CSPP1: variants seen among roughly 807,000 people sequenced by gnomAD.
CSPP1 encodes centrosome and spindle pole associated protein 1, also known as centrosome and spindle pole-associated protein 1.
A neutral mutation model predicts 164.4 loss-of-function variants in CSPP1; 126 were observed. The ratio of observed to expected loss-of-function variants is 0.77; its 90% confidence interval spans 0.66 to 0.89. The LOEUF (loss-of-function observed/expected upper bound fraction) is 0.89, where lower values mean the gene tolerates loss of function less well. Ranked by LOEUF, CSPP1 falls within the 40% of genes least tolerant of loss-of-function variation. The pLI is 0.00. For synonymous variants in CSPP1, 472 were observed against 476.7 expected (o/e 0.99, Z 0.13); for missense variants, 1,395 against 1,449.8 (o/e 0.96, Z 0.61).
intron 16 of CSPP1, 148 bp downstream of exon 16, chr8:67,132,228 T>G (rs760352811): frequency 1.3e-6 from 1 of 782,784 alleles, no homozygotes; most frequent in Non-Finnish European, 1.9e-6. Context: ...AGTAAAACGC[T>G]GTTGGAAGCA....
Position 67,159,090 on chromosome 8 carries a change from C to T in CSPP1, c.2491C>T (p.Leu831Phe). Residue 831 changes from leucine (L) to phenylalanine (F), a missense_variant, in exon 21 of 31, where the codon CTT becomes TTT. Coordinates refer to ENST00000678616, the MANE Select transcript of CSPP1 (RefSeq NM_001382391.1). ...AGAAGAAGAAAAATATAACCTGCAA[C>T]TTCAGCACTACTGTGAAAGAGACAA... ...KEEEEKYNLQ[L>F]QHYCERDNLI... 3 of 1,611,086 alleles carry T rather than the reference C, an allele frequency of 1.9e-6. No individual in the cohort carries two copies. The highest frequency in any genetic ancestry group is 2.5e-6 in the Non-Finnish European group (3 of 1,179,308).
chr8:67,128,203 A>G (rs1308813798), intron 15 of CSPP1, among the ~76,000 whole-genome samples: 1 of 152,222 alleles, frequency 6.6e-6, no homozygotes, highest in African/African-American at 2.4e-5. Context: ...AAATTGTTTT[A>G]TTAACTGTCT....
At chr8:67,101,140 G>A (rs1188777832) in intron 7 of CSPP1, among the ~76,000 whole-genome samples, 2 of 152,200 alleles carry the variant, frequency 1.3e-5, no homozygotes, top group East Asian at 3.8e-4. Context: ...ATAAGGAAAT[G>A]TCTGCCAGGA....
At position 67,083,548 on chromosome 8, in the gene CSPP1, A is replaced by AAAAAT. The variant is rs1332248754; in HGVS notation, c.200-2458_200-2457insAAATA. On this transcript the variant is annotated intron_variant, in intron 3 of 30. Transcript: ENST00000678616. ...CTTTGTCTCAAAAAAAAAAAAAAAAAATATATATATATATATATATATATA... is the reference window on the plus strand; with the variant it reads ...CTTTGTCTCAAAAAAAAAAAAAAAAAAAAATATATATATATATATATATATATATA... 72 of 91,464 alleles carry AAAAAT rather than the reference A, an allele frequency of 7.9e-4. 1 individual carries two copies. The East Asian group carries it at 0.014, about 18-fold the overall frequency. The allele number at this position is 91,464 out of a possible 1,614,324, so 5.7% of individuals were successfully genotyped here. A position where few individuals can be genotyped will look rare whatever the true frequency, so the allele number is the denominator to read the frequency against.
chr8:67,185,604 G>A (rs1390814589), intron 28 of CSPP1, among the ~76,000 whole-genome samples: 1 of 152,166 alleles, frequency 6.6e-6, no homozygotes, highest in Non-Finnish European at 1.5e-5. Flanking sequence ...TAGTAGCTGT[G>A]GAGGAAGATG....
chr8:67,170,289 A>G (rs984112989), intron 24 of CSPP1, among the ~76,000 whole-genome samples: 2 of 141,904 alleles, frequency 1.4e-5, no homozygotes, highest in Non-Finnish European at 3.0e-5. Context: ...TACTAAAAAT[A>G]CAAAAAAAAA....
At chr8:67,189,540 A>G (rs1478283574) in intron 28 of CSPP1, among the ~76,000 whole-genome samples, 1 of 152,254 alleles carries the variant, frequency 6.6e-6, no homozygotes, top group Non-Finnish European at 1.5e-5. Context: ...CCTATTTTTA[A>G]AAACCCATAC....
chr8:67,130,789 A>T (rs866197671), intron 15 of CSPP1, among the ~76,000 whole-genome samples: 1 of 152,038 alleles, frequency 6.6e-6, no homozygotes, highest in African/African-American at 2.4e-5. Flanking sequence ...GGAGTTAGAG[A>T]CCAGCCTGGC....
At chr8:67,081,113 A>C (rs1809064745) in intron 3 of CSPP1, 1 of 152,194 alleles carries the variant, frequency 6.6e-6, no homozygotes, top group Non-Finnish European at 1.5e-5. Flanking sequence ...GTTCACAATG[A>C]TTCACTTCGT....
At chr8:67,164,321 T>C in intron 23 of CSPP1, 70 bp from the exon 24 acceptor site, 2 of 744,704 alleles carry the variant, frequency 2.7e-6, no homozygotes, top group Non-Finnish European at 4.8e-6. Flanking sequence ...ATTAGTCAGG[T>C]TGTGTTTTAA....
intron 7 of CSPP1, among the ~76,000 whole-genome samples, chr8:67,098,010 G>A (rs533410613): frequency 6.7e-6 from 1 of 149,954 alleles, no homozygotes; most frequent in South Asian, 2.1e-4. Context: ...ATTTAAAATG[G>A]GATTTCTTTA....
chr8:67,176,160 A>G (rs1237303619), intron 26 of CSPP1, among the ~76,000 whole-genome samples: 1 of 152,160 alleles, frequency 6.6e-6, no homozygotes, highest in Non-Finnish European at 1.5e-5. Context: ...GACGATAGCC[A>G]GGTGTACTGC....
chr8:67,124,872 C>A (rs958538344), intron 15 of CSPP1, among the ~76,000 whole-genome samples: 2 of 151,920 alleles, frequency 1.3e-5, no homozygotes, highest in Non-Finnish European at 2.9e-5. Flanking sequence ...TAGAGACAGG[C>A]GTCTCTCTGT....
chr8:67,172,507 G>A lies in CSPP1; in HGVS notation c.2920G>A (p.Ala974Thr), dbSNP rs767140972. The A allele has an allele frequency of 1.2e-5, 19 of 1,613,382 alleles. No individual in the cohort carries two copies. Among genetic ancestry groups the A allele is most frequent in the Admixed American group, 8.3e-5 (5 of 59,962 alleles). Residue 974 changes from alanine to threonine, a missense_variant, in exon 25 of 31, where the codon GCT (alanine) becomes ACT (threonine). Ala to Thr is a moderately conservative substitution (Grantham distance 58). Transcript: ENST00000678616. Reference protein sequence around the residue: ...VRRQSPKGLDAATFQNVHDFN... With the variant: ...VRRQSPKGLDTATFQNVHDFN... Reference sequence around the variant, plus strand: ...AAGACAGTCCCCTAAGGGCTTAGACGCTGCCACTTTTCAGAATGTTCATGA... The same window carrying A: ...AAGACAGTCCCCTAAGGGCTTAGACACTGCCACTTTTCAGAATGTTCATGA...
intron 2 of CSPP1, among the ~76,000 whole-genome samples, chr8:67,075,372 T>C (rs1279786086): frequency 6.6e-6 from 1 of 152,128 alleles, no homozygotes; most frequent in Non-Finnish European, 1.5e-5. Flanking sequence ...CAGTGTTTTT[T>C]TCTGGTTTAG....
intron 30 of CSPP1, 134 bp from the exon 31 acceptor site, chr8:67,195,248 C>A: frequency 1.4e-6 from 1 of 720,272 alleles, no homozygotes; most frequent in South Asian, 1.6e-5. Flanking sequence ...CCAAAACAAA[C>A]AAACAGTAGA....
At chr8:67,110,167 G>A (rs1816550284) in intron 9 of CSPP1, among the ~76,000 whole-genome samples, 2 of 148,284 alleles carry the variant, frequency 1.3e-5, no homozygotes, top group African/African-American at 5.2e-5. Flanking sequence ...TGCAGTCTGA[G>A]GTTTTTTTTT....
At chr8:67,068,976 G>A (rs1360788520) in intron 1 of CSPP1, 1 of 152,122 alleles carries the variant, frequency 6.6e-6, no homozygotes, top group African/African-American at 2.4e-5. Flanking sequence ...TTTATTGAGT[G>A]GTACCATCAT....
At chr8:67,082,042 G>A (rs1809302545) in intron 3 of CSPP1, among the ~76,000 whole-genome samples, 1 of 152,128 alleles carries the variant, frequency 6.6e-6, no homozygotes, top group Admixed American at 6.6e-5. Flanking sequence ...CATCTGTCTA[G>A]TTGTAGTTTT....
Sources: gnomAD v4.1 joint callset for allele counts (sites outside exome capture counted in the v4.1 genomes callset) on GRCh38, gnomAD v4.1.1 for gene constraint, MANE v1.5 for transcripts, NCBI Gene and HGNC (gene_info 2026-07-23, HGNC 2026-07-21) for gene names.